Variants in SEMA3E observed in about 807,000 individuals in gnomAD.
SEMA3E encodes semaphorin 3E, also known as semaphorin-3E.
A neutral mutation model predicts 93.6 loss-of-function variants in SEMA3E; 49 were observed. The ratio of observed to expected loss-of-function variants is 0.52; its 90% CI spans 0.42 to 0.66. SEMA3E has a LOEUF of 0.66. SEMA3E is among the 30% of genes least tolerant of loss of function. SEMA3E has a pLI of 0.00. For synonymous variants in SEMA3E, 363 were observed against 330.7 expected, an observed-to-expected ratio of 1.10 and a Z score of -1.06; for missense variants, 906 against 964.8, an observed-to-expected ratio of 0.94 and a Z score of 0.81.
intron 4 of SEMA3E, among the ~76,000 whole-genome samples, chr7:83,445,815 C>A (rs1366620797): frequency 2.0e-5 from 3 of 151,950 alleles, no homozygotes; most frequent in Admixed American, 6.6e-5. Flanking sequence ...AAAGGTAGCA[C>A]CAAATATTTA....
chr7:83,581,679 C>T (rs1792520811), intron 1 of SEMA3E, among the ~76,000 whole-genome samples: 1 of 151,876 alleles, frequency 6.6e-6, no homozygotes. Context: ...ACTTCAAAAT[C>T]GCTGCAAGTG....
intron 1 of SEMA3E, among the ~76,000 whole-genome samples, chr7:83,553,419 A>T (rs559964350): frequency 3.3e-5 from 5 of 152,300 alleles, no homozygotes; most frequent in African/African-American, 1.2e-4. Flanking sequence ...ACATGCTTAC[A>T]ATTTTATACA....
At chr7:83,373,262 G>A (rs1794774701) in intron 16 of SEMA3E, among the ~76,000 whole-genome samples, 1 of 152,100 alleles carries the variant, frequency 6.6e-6, no homozygotes, top group Admixed American at 6.5e-5. Flanking sequence ...GAAAAGGACA[G>A]ACATAGGCCT....
At chr7:83,544,737 C>T (rs1791610499) in intron 1 of SEMA3E, among the ~76,000 whole-genome samples, 1 of 151,980 alleles carries the variant, frequency 6.6e-6, no homozygotes, top group South Asian at 2.1e-4. Flanking sequence ...TGAATCTAAG[C>T]CTTGAAGTTG....
Position 83,396,692 on chromosome 7 carries a change from G to C in SEMA3E, c.1404C>G (p.Asn468Lys), listed in dbSNP as rs1349675009. The C allele has an allele frequency of 1.2e-6, 2 of 1,606,326 alleles. No individual in the cohort carries two copies. Among genetic ancestry groups the C allele is most frequent in the Admixed American group, 3.3e-5 (2 of 59,840 alleles). The change falls in exon 12 of 17, where the codon AAC becomes AAG. Residue 468 changes from asparagine (N) to lysine (K), a missense_variant. By Grantham distance (94) the Asn-to-Lys change is moderately conservative. Transcript: ENST00000643230. ...GIVLKVITIY[N>K]QEMESMEEVI... ...CTTCTTCCATTGATTCCATTTCTTGGTTGTAAATTGTGATTACTTTCAGCA... is the reference window on the plus strand; with the variant it reads ...CTTCTTCCATTGATTCCATTTCTTGCTTGTAAATTGTGATTACTTTCAGCA...
In SEMA3E at chr7:83,368,205, CTCTCTG is replaced by C. The variant is rs200924164; in HGVS notation, c.1876-173_1876-168del. 0.19 allele frequency among the ~76,000 whole-genome samples: 16,419 copies of C among 87,068 alleles called. 931 individuals are homozygous for C. Among genetic ancestry groups the C allele is most frequent in the East Asian group, 0.28 (535 of 1,896 alleles). The allele number at this position is 87,068 out of a possible 152,430, so 57.1% of individuals were successfully genotyped here. A position where few individuals can be genotyped will look rare whatever the true frequency, so the allele number is the denominator to read the frequency against. Reference sequence around the variant, plus strand: ...GCTAAATAATTACATCTCTCTCTCTCTCTCTGTGTGTGTGTGTGTGTGTGTGTGTGT... The same window carrying C: ...GCTAAATAATTACATCTCTCTCTCTCTGTGTGTGTGTGTGTGTGTGTGTGT... On this transcript the variant is annotated intron_variant, in intron 16 of 16. Transcript: ENST00000643230.
intron 1 of SEMA3E, among the ~76,000 whole-genome samples, chr7:83,576,303 T>C (rs544259644): frequency 2.6e-5 from 4 of 152,188 alleles, no homozygotes; most frequent in Non-Finnish European, 5.9e-5. Flanking sequence ...CAACCTTTTA[T>C]TGGAAAATTT....
At chr7:83,514,452 T>G (rs1458941433) in intron 1 of SEMA3E, among the ~76,000 whole-genome samples, 1 of 152,124 alleles carries the variant, frequency 6.6e-6, no homozygotes, top group Non-Finnish European at 1.5e-5. Context: ...TGTCCTGTAA[T>G]GTCATGAGTT....
intron 11 of SEMA3E, among the ~76,000 whole-genome samples, 178 bp from the exon 12 acceptor site, chr7:83,396,907 T>C (rs546631607): frequency 6.6e-6 from 1 of 151,980 alleles, no homozygotes; most frequent in East Asian, 1.9e-4. Flanking sequence ...GGCAAAACCC[T>C]GTCTCTACTA....
chr7:83,562,884 G>A (rs1453458831), intron 1 of SEMA3E, among the ~76,000 whole-genome samples: 1 of 152,108 alleles, frequency 6.6e-6, no homozygotes. Context: ...ACAAAATAAA[G>A]CTACCTTCAG....
At chr7:83,392,502 G>T in intron 14 of SEMA3E, 53 bp downstream of exon 14, 4 of 1,414,738 alleles carry the variant, frequency 2.8e-6, no homozygotes, top group Admixed American at 1.9e-5. Context: ...AAAAAAAAAA[G>T]CATTAGGGTT....
chr7:83,605,485 C>G (rs1257458788), intron 1 of SEMA3E, among the ~76,000 whole-genome samples: 1 of 150,980 alleles, frequency 6.6e-6, no homozygotes, highest in Non-Finnish European at 1.5e-5. Context: ...GGCTGGAGCA[C>G]AGTGGTGCGA....
intron 5 of SEMA3E, among the ~76,000 whole-genome samples, chr7:83,412,736 G>A (rs1246212622): frequency 7.0e-6 from 1 of 143,624 alleles, no homozygotes; most frequent in Non-Finnish European, 1.5e-5. Context: ...CACTCCAGCC[G>A]AGCCAGACCC....
At chr7:83,420,475 C>G (rs1788651035) in intron 4 of SEMA3E, among the ~76,000 whole-genome samples, 1 of 151,772 alleles carries the variant, frequency 6.6e-6, no homozygotes, top group African/African-American at 2.4e-5. Context: ...CATAAGAAAC[C>G]AAAAAAGAGC....
At chr7:83,451,438 A>G (rs551962022) in intron 4 of SEMA3E, among the ~76,000 whole-genome samples, 2 of 152,230 alleles carry the variant, frequency 1.3e-5, no homozygotes, top group Non-Finnish European at 2.9e-5. Flanking sequence ...TTGGAGTTTT[A>G]CATCAAGGCA....
intron 2 of SEMA3E, among the ~76,000 whole-genome samples, chr7:83,488,519 A>G (rs1790314482): frequency 6.6e-6 from 1 of 152,184 alleles, no homozygotes; most frequent in Non-Finnish European, 1.5e-5. Flanking sequence ...GGTATCCTCA[A>G]AATTCTGAAG....
intron 1 of SEMA3E, among the ~76,000 whole-genome samples, chr7:83,590,159 C>T (rs1041696566): frequency 2.0e-5 from 3 of 152,098 alleles, no homozygotes; most frequent in African/African-American, 7.2e-5. Context: ...AAATGTCAAA[C>T]ACCTAGAAAC....
At chr7:83,427,172 TTTTC>T (rs139926228) in intron 4 of SEMA3E, among the ~76,000 whole-genome samples, 6 of 151,862 alleles carry the variant, frequency 4.0e-5, no homozygotes, top group Non-Finnish European at 8.8e-5. Context: ...CCCATATGAC[TTTTC>T]TTTCTTCCTT....
chr7:83,634,573 TG>T (rs1325899582), intron 1 of SEMA3E, among the ~76,000 whole-genome samples: 5 of 152,102 alleles, frequency 3.3e-5, no homozygotes, highest in Admixed American at 2.0e-4. Context: ...TTCTTTTGAT[TG>T]TTTTTTTAAT....
Sources: gnomAD v4.1 joint callset for allele counts (sites outside exome capture counted in the v4.1 genomes callset) on GRCh38, gnomAD v4.1.1 for gene constraint, MANE v1.5 for transcripts, NCBI Gene and HGNC (gene_info 2026-07-23, HGNC 2026-07-21) for gene names.